The following ZNF264 variants were observed in gnomAD, a reference collection of about 807,000 sequenced individuals.
ZNF264 encodes the protein zinc finger protein 264.
In ZNF264, 11 loss-of-function variants were observed where a neutral mutation model predicts 11.2. The ratio of observed to expected loss-of-function variants is 0.98; its 90% CI spans 0.62 to 1.63. The LOEUF (loss-of-function observed/expected upper bound fraction) is 1.63, where lower values mean the gene tolerates loss of function less well. Among genes scored for constraint, ZNF264 ranks in the 40% most tolerant of loss-of-function variants. The pLI is 0.00. For synonymous variants in ZNF264, 309 were observed against 279.8 expected, an observed-to-expected ratio of 1.10 and a Z score of -1.04; for missense variants, 752 against 768.1, an observed-to-expected ratio of 0.98 and a Z score of 0.25.
intron 2 of ZNF264, chr19:57,194,632 A>T: frequency 2.6e-6 from 1 of 379,660 alleles, no homozygotes; most frequent in Non-Finnish European, 4.7e-6. Flanking sequence ...AGTCTAGGCC[A>T]GTCTAGTCTT....
At position 57,220,804 on chromosome 19, in the gene ZNF264, C is replaced by A. The variant is rs570931507; in HGVS notation, c.*7823C>A. On this transcript the variant is annotated 3_prime_UTR_variant, in exon 4 of 4. Coordinates refer to ENST00000263095, the MANE Select transcript of ZNF264 (RefSeq NM_003417.5). Reference sequence around the variant, plus strand: ...GATTACAGGCATGGGCCACCATGCCCGGCTAATTTTTGTATTTTTTGTAGA... The same window carrying A: ...GATTACAGGCATGGGCCACCATGCCAGGCTAATTTTTGTATTTTTTGTAGA... The A allele has an allele frequency of 6.6e-6, 1 of 152,092 alleles. No homozygotes were observed. The highest frequency in any genetic ancestry group is 1.5e-5 in the Non-Finnish European group (1 of 68,080). 9.4% of individuals were successfully genotyped at this position (152,092 alleles called of 1,614,324 possible).
rs1444241817 is a variant in ZNF264 at position 57,221,677 on chromosome 19, C to T, written c.*8696C>T. 6.6e-6 allele frequency: 1 copy of T among 152,100 alleles called. No homozygotes were observed. Among genetic ancestry groups the T allele is most frequent in the African/African-American group, 2.4e-5 (1 of 41,406 alleles). 9.4% of individuals were successfully genotyped at this position (152,100 alleles called of 1,614,324 possible). On this transcript the variant is annotated 3_prime_UTR_variant, in exon 4 of 4. Coordinates refer to ENST00000263095, the MANE Select transcript of ZNF264 (RefSeq NM_003417.5). ...TGGGAAGCTTATTAGAGACTCAGTGCCAGGGTTTTTATTGGGCATGTTTTC... is the reference window on the plus strand; with the variant it reads ...TGGGAAGCTTATTAGAGACTCAGTGTCAGGGTTTTTATTGGGCATGTTTTC...
In ZNF264 at chr19:57,219,684, GAATCCATC is replaced by G. The variant is rs1256808463; in HGVS notation, c.*6705_*6712del. ...AACTCTTAAACATTTTTGTTTCCCA[GAATCCATC>G]ATTGGCCATTGCTTTTTCACTTGCC... is the stretch of plus-strand genomic sequence containing the variant. On this transcript the variant is annotated 3_prime_UTR_variant, in exon 4 of 4. Transcript: ENST00000263095. The G allele has an allele frequency of 1.3e-5, 2 of 152,198 alleles. No homozygotes were observed. The highest frequency in any genetic ancestry group is 2.9e-5 in the Non-Finnish European group (2 of 68,034). 9.4% of individuals were successfully genotyped at this position (152,198 alleles called of 1,614,324 possible). A position where few individuals can be genotyped will look rare whatever the true frequency, so the allele number is the denominator to read the frequency against.
In ZNF264 at chr19:57,216,875, T is replaced by A. The variant is rs997029759; in HGVS notation, c.*3894T>A. On this transcript the variant is annotated 3_prime_UTR_variant, in exon 4 of 4. Transcript: ENST00000263095. ...TAGGTTACTTCACCTTTTTTTTTTT[T>A]AATAATTTGATTTGATACATATGTA... The A allele has an allele frequency of 1.3e-5, 2 of 151,932 alleles. No individual in the cohort carries two copies. Among genetic ancestry groups the A allele is most frequent in the South Asian group, 4.2e-4 (2 of 4,814 alleles). 9.4% of individuals were successfully genotyped at this position (151,932 alleles called of 1,614,324 possible).
chr19:57,209,863 A>G (rs1240966095), intron 3 of ZNF264, among the ~76,000 whole-genome samples: 1 of 151,964 alleles, frequency 6.6e-6, no homozygotes, highest in African/African-American at 2.4e-5. Flanking sequence ...CTCCCAAAGC[A>G]CTAGGATTAC....
Position 57,217,205 on chromosome 19 carries a change from A to G in ZNF264, c.*4224A>G, listed in dbSNP as rs569095523. The G allele has an allele frequency of 6.6e-6, 1 of 152,366 alleles. No individual in the cohort carries two copies. The highest frequency in any genetic ancestry group is 2.4e-5 in the African/African-American group (1 of 41,592). 9.4% of individuals were successfully genotyped at this position (152,366 alleles called of 1,614,324 possible). On this transcript the variant is annotated 3_prime_UTR_variant, in exon 4 of 4. Transcript: ENST00000263095. ...GTAAAGTCAAGTAGTAAGTCGAACC[A>G]TCCTAAGTCAGGGACTGTCTGTATA...
Position 57,212,366 on chromosome 19 carries a change from G to A in ZNF264, c.1269G>A (p.Gly423=), listed in dbSNP as rs1299329972. ...YLKRHQRIHT[G]EKPFVCSECG... ...AGAGGCACCAGCGGATTCACACTGGGGAGAAGCCCTTCGTGTGCAGTGAAT... is the reference window on the plus strand; with the variant it reads ...AGAGGCACCAGCGGATTCACACTGGAGAGAAGCCCTTCGTGTGCAGTGAAT... The change falls in exon 4 of 4, where the codon GGG becomes GGA. Residue 423 remains glycine (G), a synonymous_variant. Coordinates refer to ENST00000263095, the MANE Select transcript of ZNF264 (RefSeq NM_003417.5). 1.9e-6 allele frequency: 3 copies of A among 1,611,642 alleles called. No homozygotes were observed. The highest frequency in any genetic ancestry group is 2.5e-6 in the Non-Finnish European group (3 of 1,179,388).
intron 2 of ZNF264, among the ~76,000 whole-genome samples, chr19:57,199,006 T>G (rs1460513958): frequency 2.0e-5 from 3 of 151,932 alleles, no homozygotes; most frequent in Non-Finnish European, 2.9e-5. Context: ...TTATATAAAT[T>G]AAATAGGATT....
intron 2 of ZNF264, among the ~76,000 whole-genome samples, chr19:57,201,573 C>T (rs570837176): frequency 3.9e-5 from 6 of 152,058 alleles, no homozygotes; most frequent in South Asian, 2.1e-4. Flanking sequence ...TATATTACCC[C>T]GTAAACCAAC....
chr19:57,220,866 A>AGGAG lies in ZNF264; in HGVS notation c.*7885_*7886insGGAG, dbSNP rs1328748905. On this transcript the variant is annotated 3_prime_UTR_variant, in exon 4 of 4. Coordinates refer to ENST00000263095, the MANE Select transcript of ZNF264 (RefSeq NM_003417.5). ...ACCATGTTGGCCAGGCTGGTCTCAC[A>AGGAG]CTCCTGACCTCAGGTGATCCACCCG... The AGGAG allele has an allele frequency of 5.9e-3, 884 of 151,106 alleles. 14 individuals carry two copies. The highest frequency in any genetic ancestry group is 0.021 in the African/African-American group (849 of 41,134). 9.4% of individuals were successfully genotyped at this position (151,106 alleles called of 1,614,324 possible).
At position 57,202,787 on chromosome 19, in the gene ZNF264, G is replaced by T. The variant is rs148736843; in HGVS notation, c.161-2610G>T. ...ATGAGTGTTTCCTTGAGTTCCGTGA[G>T]CTGCTCCAGCAAATTAGTTGAACCC... On this transcript the variant is annotated intron_variant, in intron 2 of 3. Transcript: ENST00000263095. 4.7e-3 allele frequency among the ~76,000 whole-genome samples: 721 copies of T among 151,912 alleles called. 21 individuals carry two copies. The highest frequency in any genetic ancestry group is 0.017 in the African/African-American group (695 of 41,210).
Position 57,212,767 on chromosome 19 carries a change from A to G in ZNF264, c.1670A>G (p.His557Arg). The change falls in exon 4 of 4, where the codon CAT (histidine) becomes CGT (arginine). Residue 557 changes from histidine to arginine, a missense_variant. Transcript: ENST00000263095. Reference sequence around the variant, plus strand: ...AGTCGCAGCTCGTCCCTCACTCAGCATCAAAGGATGCATACTGGGAAAAAT... The same window carrying G: ...AGTCGCAGCTCGTCCCTCACTCAGCGTCAAAGGATGCATACTGGGAAAAAT... The part of the protein sequence containing the change: ...AFSRSSSLTQ[H>R]QRMHTGKNPI... 1 of 1,614,146 alleles carries G rather than the reference A, an allele frequency of 6.2e-7. No homozygotes were observed. Among genetic ancestry groups the G allele is most frequent in the South Asian group, 1.1e-5 (1 of 91,088 alleles).
At chr19:57,194,406 G>T (rs980554393) in intron 2 of ZNF264, among the ~76,000 whole-genome samples, 2 of 152,044 alleles carry the variant, frequency 1.3e-5, no homozygotes, top group African/African-American at 4.8e-5. Flanking sequence ...GTGGCCACCT[G>T]GATTAGGGTT....
Position 57,211,629 on chromosome 19 carries a change from C to G in ZNF264, c.532C>G (p.Pro178Ala). Residue 178 changes from proline (P) to alanine (A), a missense_variant, in exon 4 of 4, where the codon CCA becomes GCA. Pro to Ala is a conservative substitution (Grantham distance 27). Coordinates refer to ENST00000263095, the MANE Select transcript of ZNF264 (RefSeq NM_003417.5). ...CSRIGQEQVS[P>A]GDRVRSHNSC... is the part of the protein sequence containing the mutation. The stretch of plus-strand genomic sequence containing the variant: ...AAGGATTGGACAGGAGCAAGTCTCT[C>G]CAGGAGATAGAGTCCGTAGCCATAA... 2 of 1,614,108 alleles carry G rather than the reference C, an allele frequency of 1.2e-6. No individual in the cohort carries two copies. Among genetic ancestry groups the G allele is most frequent in the South Asian group, 2.2e-5 (2 of 91,082 alleles).
chr19:57,209,772 A>AT (rs1436346465), intron 3 of ZNF264, among the ~76,000 whole-genome samples: 2 of 151,810 alleles, frequency 1.3e-5, no homozygotes, highest in Non-Finnish European at 2.9e-5. Context: ...TTTTTAAAAA[A>AT]TTTTTTTTAG....
chr19:57,197,983 G>C (rs941920105), intron 2 of ZNF264, among the ~76,000 whole-genome samples: 2 of 151,994 alleles, frequency 1.3e-5, no homozygotes, highest in African/African-American at 4.8e-5. Context: ...GTGATATCTT[G>C]TGGAAGCAAA....
chr19:57,219,285 T>C lies in ZNF264; in HGVS notation c.*6304T>C, dbSNP rs1240448878. On this transcript the variant is annotated 3_prime_UTR_variant, in exon 4 of 4. Transcript: ENST00000263095. ...TTCCTACCTCCTGCCCAGTCTTTTT[T>C]AGGCTCTCTGTCATACTTCCTCGCC... 2 of 152,296 alleles carry C rather than the reference T, an allele frequency of 1.3e-5. No individual in the cohort carries two copies. Among genetic ancestry groups the C allele is most frequent in the African/African-American group, 4.8e-5 (2 of 41,476 alleles). 9.4% of individuals were successfully genotyped at this position (152,296 alleles called of 1,614,324 possible).
chr19:57,200,795 A>G (rs896414950), intron 2 of ZNF264, among the ~76,000 whole-genome samples: 1 of 151,762 alleles, frequency 6.6e-6, no homozygotes, highest in Non-Finnish European at 1.5e-5. Flanking sequence ...TATTTTTATT[A>G]AAGACGGGAT....
At chr19:57,211,002 T>G (rs2087330214) in intron 3 of ZNF264, among the ~76,000 whole-genome samples, 1 of 152,224 alleles carries the variant, frequency 6.6e-6, no homozygotes, top group African/African-American at 2.4e-5. Context: ...TGCTCCTTCC[T>G]CGTGTTCTTG....
Sources: allele counts gnomAD v4.1 joint callset (sites outside exome capture counted in the v4.1 genomes callset), GRCh38; gene constraint gnomAD v4.1.1; transcripts MANE v1.5; gene names NCBI Gene and HGNC (gene_info 2026-07-23, HGNC 2026-07-21).